Variants in PDE8A observed in about 807,000 individuals in gnomAD.
PDE8A encodes high affinity cAMP-specific and IBMX-insensitive 3',5'-cyclic phosphodiesterase 8A.
PDE8A carries 59 observed loss-of-function variants against 105.0 expected under a neutral mutation model. The ratio of observed to expected loss-of-function variants is 0.56; its 90% CI spans 0.46 to 0.70. The LOEUF is 0.70. Among genes scored for constraint, PDE8A ranks in the 30% least tolerant of loss-of-function variants. The pLI, the probability that PDE8A is intolerant of heterozygous loss-of-function variation, is 0.00. For synonymous variants in PDE8A, 355 were observed against 371.9 expected (o/e 0.95, Z 0.52); for missense variants, 1,014 against 1,045.9 (o/e 0.97, Z 0.42).
intron 1 of PDE8A, among the ~76,000 whole-genome samples, chr15:85,035,948 A>T (rs996690486): frequency 6.6e-6 from 1 of 152,224 alleles, no homozygotes; most frequent in Non-Finnish European, 1.5e-5. Flanking sequence ...TTCTAGTTTA[A>T]ATGACATCTA....
intron 8 of PDE8A, among the ~76,000 whole-genome samples, chr15:85,095,458 C>T (rs2081730273): frequency 6.6e-6 from 1 of 152,024 alleles, no homozygotes; most frequent in Non-Finnish European, 1.5e-5. Context: ...ATTCTCCTGC[C>T]CCAGCCTCCT....
chr15:85,113,526 A>G, intron 13 of PDE8A, 79 bp downstream of exon 13: 1 of 1,223,432 alleles, frequency 8.2e-7, no homozygotes, highest in East Asian at 2.3e-5. Flanking sequence ...ATGAGAAGAA[A>G]CAGGGACCCG....
intron 3 of PDE8A, 86 bp downstream of exon 3, chr15:85,067,290 C>A: frequency 1.0e-6 from 1 of 965,756 alleles, no homozygotes; most frequent in Non-Finnish European, 1.5e-6. Context: ...TAGACTCACT[C>A]TCTTTTAAGT....
chr15:85,109,297 A>G (rs757799656), intron 12 of PDE8A, among the ~76,000 whole-genome samples, 167 bp downstream of exon 12: 35 of 152,352 alleles, frequency 2.3e-4, no homozygotes, highest in Non-Finnish European at 4.4e-4. Flanking sequence ...ACTCCTGCCA[A>G]TGGGCTCCAT....
intron 1 of PDE8A, among the ~76,000 whole-genome samples, chr15:85,019,932 GTTTTTTTTTGGTTTTTTTTTTTTTTTTTT>G (rs1488060753): frequency 9.5e-6 from 1 of 105,476 alleles, no homozygotes; most frequent in Non-Finnish European, 2.0e-5. Flanking sequence ...CTTTGGGGGA[GTTTTTTTTTGGTTTTTTTTTTTTTTTTTT>G]TTTTTTTTTG....
intron 12 of PDE8A, among the ~76,000 whole-genome samples, chr15:85,110,129 T>G (rs2082000456): frequency 6.6e-6 from 1 of 152,036 alleles, no homozygotes; most frequent in African/African-American, 2.4e-5. Flanking sequence ...GGGACTCAGT[T>G]AGTGTTAGCT....
intron 20 of PDE8A, among the ~76,000 whole-genome samples, chr15:85,132,050 G>C (rs1315066463): frequency 6.6e-6 from 1 of 152,162 alleles, no homozygotes; most frequent in Non-Finnish European, 1.5e-5. Flanking sequence ...GTGTGTCTCA[G>C]ATAGATCTCT....
At chr15:85,072,858 A>G (rs1021625520) in intron 3 of PDE8A, among the ~76,000 whole-genome samples, 1 of 152,132 alleles carries the variant, frequency 6.6e-6, no homozygotes, top group Non-Finnish European at 1.5e-5. Context: ...CACACCTCTA[A>G]TCCCAGCACT....
intron 3 of PDE8A, among the ~76,000 whole-genome samples, chr15:85,074,159 G>A (rs780185347): frequency 2.6e-5 from 4 of 152,174 alleles, no homozygotes; most frequent in Non-Finnish European, 4.4e-5. Context: ...CCTACCCCTG[G>A]CCTATTCTGC....
Position 85,126,199 on chromosome 15 carries a change from T to C in PDE8A, c.2086-8T>C. On this transcript the variant is annotated splice_polypyrimidine_tract_variant and splice_region_variant and intron_variant, in intron 19 of 21. Transcript: ENST00000394553. Reference sequence around the variant, plus strand: ...TTTTGATTGCTTTGAATTCCACTCATGTTTCAGGAAACTGATAAAAACCAG... The same window carrying C: ...TTTTGATTGCTTTGAATTCCACTCACGTTTCAGGAAACTGATAAAAACCAG... 1 of 1,602,672 alleles carries C rather than the reference T, an allele frequency of 6.2e-7. No homozygotes were observed. The highest frequency in any genetic ancestry group is 1.1e-5 in the South Asian group (1 of 89,484).
At chr15:85,022,939 C>G (rs1247322287) in intron 1 of PDE8A, among the ~76,000 whole-genome samples, 1 of 152,078 alleles carries the variant, frequency 6.6e-6, no homozygotes, top group Admixed American at 6.6e-5. Context: ...GCTAAAGGGA[C>G]AGAGTCAGTA....
chr15:85,021,932 G>A (rs28483160), intron 1 of PDE8A, among the ~76,000 whole-genome samples: 9,698 of 152,030 alleles, frequency 0.064, 435 homozygotes, highest in African/African-American at 0.13. Context: ...TTCCATTACT[G>A]GTGATTTTCA....
rs1459126867 is a variant in PDE8A at position 85,091,199 on chromosome 15, GC to G, written c.852+20del. 1 of 1,579,710 alleles carries G rather than the reference GC, an allele frequency of 6.3e-7. No individual in the cohort carries two copies. Among genetic ancestry groups the G allele is most frequent in the South Asian group, 1.2e-5 (1 of 86,538 alleles). On this transcript the variant is annotated intron_variant, in intron 8 of 21. Coordinates refer to ENST00000394553, the MANE Select transcript of PDE8A (RefSeq NM_002605.3). ...TAGGCAAGGTAAGTAAGAGGTCAGT[GC>G]CTTTTTTAACTTTCACAACACAGAG...
intron 1 of PDE8A, among the ~76,000 whole-genome samples, chr15:84,987,557 C>T (rs182557005): frequency 4.6e-5 from 7 of 151,210 alleles, no homozygotes; most frequent in East Asian, 1.9e-4. Flanking sequence ...CCACAACCTC[C>T]GCCTCCCGGG....
At chr15:84,995,748 T>C (rs577499921) in intron 1 of PDE8A, among the ~76,000 whole-genome samples, 1 of 152,324 alleles carries the variant, frequency 6.6e-6, no homozygotes, top group Non-Finnish European at 1.5e-5. Flanking sequence ...TATTGTTAAA[T>C]TGCCCTCCAG....
At chr15:85,006,601 C>T (rs2080151837) in intron 1 of PDE8A, among the ~76,000 whole-genome samples, 1 of 152,002 alleles carries the variant, frequency 6.6e-6, no homozygotes, top group African/African-American at 2.4e-5. Flanking sequence ...TTGTCTATTA[C>T]TTTGGCTGTT....
chr15:85,124,407 T>G (rs1455482159), intron 19 of PDE8A, among the ~76,000 whole-genome samples: 1 of 152,142 alleles, frequency 6.6e-6, no homozygotes, highest in Non-Finnish European at 1.5e-5. Context: ...TTACTGAACA[T>G]GTTGGCAGCA....
chr15:85,136,540 G>A lies in PDE8A; in HGVS notation c.2260G>A (p.Glu754Lys), dbSNP rs2082413571. The part of the protein sequence containing the change: ...ISEEYFSQTD[E>K]EKQQGLPVVM... ...CACATTTTCTGCTTTACAGACTGATGAAGAGAAGCAGCAGGGCTTACCTGT... is the reference window on the plus strand; with the variant it reads ...CACATTTTCTGCTTTACAGACTGATAAAGAGAAGCAGCAGGGCTTACCTGT... The change falls in exon 21 of 22, where the codon GAA becomes AAA. Residue 754 changes from glutamate to lysine, a missense_variant. Coordinates refer to ENST00000394553, the MANE Select transcript of PDE8A (RefSeq NM_002605.3). The A allele has an allele frequency of 6.2e-7, 1 of 1,613,254 alleles. No homozygotes were observed. The highest frequency in any genetic ancestry group is 8.5e-7 in the Non-Finnish European group (1 of 1,179,632).
rs546546710 is a variant in PDE8A, at chr15:85,048,585, C to T, written c.187-15785C>T. 3.9e-4 allele frequency among the ~76,000 whole-genome samples: 60 copies of T among 152,280 alleles called. 1 individual carries two copies. Among genetic ancestry groups the T allele is most frequent in the African/African-American group, 1.3e-3 (53 of 41,550 alleles). ...TTTCTCTTCTTCCTGTCATTTTCTT[C>T]CTTTCTTCTTCCTGAGCAGTTCCAC... is the stretch of plus-strand genomic sequence containing the variant. On this transcript the variant is annotated intron_variant, in intron 1 of 21. Coordinates refer to ENST00000394553, the MANE Select transcript of PDE8A (RefSeq NM_002605.3).
Sources: allele counts gnomAD v4.1 joint callset (sites outside exome capture counted in the v4.1 genomes callset), GRCh38; gene constraint gnomAD v4.1.1; transcripts MANE v1.5; gene names NCBI Gene and HGNC (gene_info 2026-07-23, HGNC 2026-07-21).